DSCAM: variants seen among roughly 807,000 people sequenced by gnomAD.
DSCAM encodes DS cell adhesion molecule.
In DSCAM, 47 loss-of-function variants were observed where a neutral mutation model predicts 217.7. That is an observed-to-expected ratio of 0.22 (90% confidence interval 0.17 to 0.28). The LOEUF is 0.28. Ranked by LOEUF, DSCAM falls within the 10% of genes least tolerant of loss-of-function variation. The pLI is 1.00. For synonymous variants in DSCAM, 1,056 were observed against 1,015.3 expected (o/e 1.04, Z -0.76); for missense variants, 2,080 against 2,618.3 (o/e 0.79, Z 4.49).
chr21:40,043,789 A>C (rs116905914), intron 31 of DSCAM, among the ~76,000 whole-genome samples: 1 of 152,180 alleles, frequency 6.6e-6, no homozygotes, highest in Non-Finnish European at 1.5e-5. Flanking sequence ...AAATGTCTCT[A>C]TTTCTCCCAG....
intron 1 of DSCAM, among the ~76,000 whole-genome samples, chr21:40,776,279 G>A (rs140424164): frequency 2.6e-5 from 4 of 151,872 alleles, no homozygotes; most frequent in East Asian, 1.9e-4. Context: ...TTATTTTCAG[G>A]ATTTTAGACT....
At chr21:40,620,345 GAGAA>G (rs946115666) in intron 3 of DSCAM, among the ~76,000 whole-genome samples, 5 of 122,746 alleles carry the variant, frequency 4.1e-5, no homozygotes, top group East Asian at 2.4e-4. Context: ...AAGAAAGAAA[GAGAA>G]AGAGAGAGAA....
chr21:40,579,951 T>C (rs536372234), intron 3 of DSCAM, among the ~76,000 whole-genome samples: 18 of 152,274 alleles, frequency 1.2e-4, no homozygotes, highest in Non-Finnish European at 2.4e-4. Context: ...ACTCAGCTGA[T>C]GGTCAGGCCT....
intron 11 of DSCAM, among the ~76,000 whole-genome samples, chr21:40,189,579 C>T (rs2090933158): frequency 6.6e-6 from 1 of 152,068 alleles, no homozygotes; most frequent in African/African-American, 2.4e-5. Context: ...AATTGTATGC[C>T]CATAATTCAT....
chr21:40,381,081 A>G (rs1295928972), intron 3 of DSCAM, among the ~76,000 whole-genome samples: 10 of 150,864 alleles, frequency 6.6e-5, no homozygotes, highest in South Asian at 4.2e-4. Context: ...AAAAAAAAAA[A>G]AAAGAAAATA....
At chr21:40,380,520 A>G (rs1292167372) in intron 3 of DSCAM, among the ~76,000 whole-genome samples, 2 of 152,196 alleles carry the variant, frequency 1.3e-5, no homozygotes, top group Non-Finnish European at 1.5e-5. Context: ...TCATAAATGC[A>G]TTTACATGAA....
chr21:40,637,606 A>AATATATATCTAT lies in DSCAM; in HGVS notation c.508+55203_508+55204insATAGATATATAT, dbSNP rs1555874999. ...ATATACATATATAAATATATATATA[A>AATATATATCTAT]ATATATATAAATATATACATATATA... On this transcript the variant is annotated intron_variant, in intron 3 of 32. Coordinates refer to ENST00000400454, the MANE Select transcript of DSCAM (RefSeq NM_001389.5). 4.3e-3 allele frequency among the ~76,000 whole-genome samples: 158 copies of AATATATATCTAT among 36,760 alleles called. 5 individuals are homozygous for AATATATATCTAT. The highest frequency in any genetic ancestry group is 0.014 in the African/African-American group (152 of 10,720). 24.1% of individuals were successfully genotyped at this position (36,760 alleles called of 152,430 possible). A position where few individuals can be genotyped will look rare whatever the true frequency, so the allele number is the denominator to read the frequency against.
chr21:40,352,636 A>C (rs993431704), intron 5 of DSCAM, among the ~76,000 whole-genome samples: 2 of 152,198 alleles, frequency 1.3e-5, no homozygotes, highest in Non-Finnish European at 2.9e-5. Flanking sequence ...TTGTGGTTAA[A>C]TTTGTTCAAT....
rs1302068569 is a variant in DSCAM at position 40,144,651 on chromosome 21, GA to G, written c.3098del (p.Phe1033SerfsTer22). ...GYREYSTGGN[F>X]QFNIISVDTS... is the part of the protein sequence containing the mutation. ...TGTCGACACTGATAATGTTGAATTG[GA>G]AGTTACCCCCAGTGCTGTACTCTCG... On this transcript the variant is annotated frameshift_variant, in exon 17 of 33. Coordinates refer to ENST00000400454, the MANE Select transcript of DSCAM (RefSeq NM_001389.5). LOFTEE classifies it high-confidence loss of function. This position sits in a 1 kb window ranked among gnomAD's most constrained non-coding sequence, Gnocchi z 4.8. 1 of 1,614,024 alleles carries G rather than the reference GA, an allele frequency of 6.2e-7. No homozygotes were observed. The highest frequency in any genetic ancestry group is 8.5e-7 in the Non-Finnish European group (1 of 1,180,042).
chr21:40,629,881 A>G (rs1055897529), intron 3 of DSCAM, among the ~76,000 whole-genome samples: 46 of 152,232 alleles, frequency 3.0e-4, no homozygotes, highest in African/African-American at 1.1e-3. Flanking sequence ...AGAACCTGAC[A>G]TATACATACA....
chr21:40,307,601 A>G (rs1482613454), intron 9 of DSCAM, among the ~76,000 whole-genome samples: 1 of 152,196 alleles, frequency 6.6e-6, no homozygotes, highest in Non-Finnish European at 1.5e-5. Context: ...CCAAAGGACT[A>G]TAAATCATGC....
At chr21:40,199,480 G>C (rs1736159314) in intron 11 of DSCAM, among the ~76,000 whole-genome samples, 1 of 152,102 alleles carries the variant, frequency 6.6e-6, no homozygotes, top group Non-Finnish European at 1.5e-5. Flanking sequence ...TGTCTTTATT[G>C]TAGAATGAGT....
intron 20 of DSCAM, among the ~76,000 whole-genome samples, chr21:40,122,401 G>T (rs995531789): frequency 9.2e-5 from 14 of 152,204 alleles, no homozygotes; most frequent in African/African-American, 3.4e-4. Context: ...GAGCAACCGT[G>T]AATCCCATAG....
chr21:40,464,156 G>A (rs1188604513), intron 3 of DSCAM, among the ~76,000 whole-genome samples: 1 of 152,152 alleles, frequency 6.6e-6, no homozygotes, highest in Non-Finnish European at 1.5e-5. Flanking sequence ...GAACTCTGCA[G>A]CCTGACTGCT....
chr21:40,780,538 C>CAA (rs1295471178), intron 1 of DSCAM, among the ~76,000 whole-genome samples: 1 of 151,224 alleles, frequency 6.6e-6, no homozygotes, highest in Non-Finnish European at 1.5e-5. Context: ...TGTGTCCCCA[C>CAA]AAAATTCATG....
chr21:40,151,549 G>A (rs909783684), intron 16 of DSCAM, among the ~76,000 whole-genome samples: 1 of 152,210 alleles, frequency 6.6e-6, no homozygotes, highest in African/African-American at 2.4e-5. Flanking sequence ...TCTTGCAGAT[G>A]GAGAAGAGAA....
chr21:40,413,660 T>C (rs115267519), intron 3 of DSCAM, among the ~76,000 whole-genome samples: 1 of 152,156 alleles, frequency 6.6e-6, no homozygotes, highest in African/African-American at 2.4e-5. Flanking sequence ...TGAAACAACT[T>C]TGAATAAGAA....
intron 1 of DSCAM, among the ~76,000 whole-genome samples, chr21:40,773,979 A>C (rs2091467776): frequency 6.6e-6 from 1 of 152,190 alleles, no homozygotes; most frequent in South Asian, 2.1e-4. Context: ...CCCTACCCTG[A>C]AAAAGGAAGA....
intron 18 of DSCAM, among the ~76,000 whole-genome samples, 156 bp downstream of exon 18, chr21:40,142,402 A>C (rs80232986): frequency 0.012 from 1,770 of 152,312 alleles, 37 homozygotes; most frequent in African/African-American, 0.04. Context: ...GACCTGTTCA[A>C]ATGTCAGATG....
Sources: gnomAD v4.1 joint callset for allele counts (sites outside exome capture counted in the v4.1 genomes callset) on GRCh38, gnomAD v4.1.1 for gene constraint, Gnocchi (gnomAD v3.1) non-coding constraint, MANE v1.5 for transcripts, NCBI Gene and HGNC (gene_info 2026-07-23, HGNC 2026-07-21) for gene names.